Variants in ADAM11 observed in about 807,000 individuals in gnomAD.
ADAM11 encodes ADAM metallopeptidase domain 11.
Under a neutral mutation model 119.1 loss-of-function variants are expected in ADAM11, and 49 were observed. That is an observed-to-expected ratio of 0.41 (90% CI 0.33 to 0.52). ADAM11 has a LOEUF of 0.52. ADAM11 is among the 20% of genes least tolerant of loss of function. ADAM11 has a pLI of 0.20. For missense variants in ADAM11, 777 were observed against 1,047.5 expected (o/e 0.74, Z 3.56); for synonymous variants, 364 against 408.0 (o/e 0.89, Z 1.30).
Position 44,776,185 on chromosome 17 carries a change from C to T in ADAM11, c.1544C>T (p.Thr515Ile), listed in dbSNP as rs1234177916. The T allele has an allele frequency of 1.2e-6, 2 of 1,613,464 alleles. No homozygotes were observed. The highest frequency in any genetic ancestry group is 3.3e-5 in the Admixed American group (2 of 60,002). Residue 515 changes from threonine to isoleucine, a missense_variant, in exon 18 of 27, where the codon ACC becomes ATC. Physicochemically the swap from Thr to Ile is moderately conservative, Grantham distance 89 (BLOSUM62 -1). This residue lies in a region of ADAM11 where 348 missense variants were observed against 486.7 expected (regional missense o/e 0.72). Coordinates refer to ENST00000200557, the MANE Select transcript of ADAM11 (RefSeq NM_002390.6). The surrounding 1 kb of genome is among the most constrained non-coding windows in gnomAD (Gnocchi z 5.2). ...EAVNECDIAETCTGDSSQCPP... is the reference protein window; with the variant it reads ...EAVNECDIAEICTGDSSQCPP... ...GTGAACGAGTGCGACATCGCGGAGA[C>T]CTGCACCGGGGACTCTAGCCAGGTC...
At chr17:44,759,701 G>T (rs756443140) in intron 1 of ADAM11, 21 bp from the exon 2 acceptor site, 1 of 1,317,972 alleles carries the variant, frequency 7.6e-7, no homozygotes, top group South Asian at 3.0e-5. Context: ...GCTGCCTGCA[G>T]CCATGGCCTT....
intron 2 of ADAM11, among the ~76,000 whole-genome samples, chr17:44,763,372 C>G (rs1415579389): frequency 1.3e-5 from 2 of 152,222 alleles, no homozygotes; most frequent in Non-Finnish European, 2.9e-5. Context: ...AAGCAGGGCT[C>G]TCACCCAGCA....
intron 14 of ADAM11, 58 bp downstream of exon 14, chr17:44,774,807 G>C: frequency 6.4e-7 from 1 of 1,570,270 alleles, no homozygotes; most frequent in Non-Finnish European, 8.6e-7. Flanking sequence ...CTTAGAGCGA[G>C]CATTGTTTGG....
intron 11 of ADAM11, 72 bp from the exon 12 acceptor site, chr17:44,774,223 C>T: frequency 2.9e-6 from 3 of 1,043,368 alleles, no homozygotes. Flanking sequence ...AGGGGCTCCC[C>T]AAGGCCCCAC....
Position 44,779,651 on chromosome 17 carries a change from G to T in ADAM11, c.2295-88G>T. The stretch of plus-strand genomic sequence containing the variant: ...CTGTGACTTGCCGCCTGCCTCCAGG[G>T]CCCAGCACTGAGCTCCGGGGCCCTG... On this transcript the variant is annotated intron_variant, in intron 26 of 26. Transcript: ENST00000200557. 3 of 1,531,070 alleles carry T rather than the reference G, an allele frequency of 2.0e-6. No homozygotes were observed. In the South Asian group the frequency reaches 3.8e-5, roughly 20 times the overall value. The allele number at this position is 1,531,070 out of a possible 1,614,324, so 94.8% of individuals were successfully genotyped here. A position where few individuals can be genotyped will look rare whatever the true frequency, so the allele number is the denominator to read the frequency against.
intron 2 of ADAM11, among the ~76,000 whole-genome samples, chr17:44,764,768 G>A (rs762514769): frequency 1.3e-5 from 2 of 152,162 alleles, no homozygotes; most frequent in Non-Finnish European, 2.9e-5. Flanking sequence ...TCAGGCTGCT[G>A]CGAGGACTTG....
At position 44,769,605 on chromosome 17, in the gene ADAM11, G is replaced by C. The variant is rs535088911; in HGVS notation, c.238-113G>C. On this transcript the variant is annotated intron_variant, in intron 2 of 26. Transcript: ENST00000200557. ...TGCCCCCAAATCAATGGTCCCCTCA[G>C]CTGCTAGGGCTGGCCACCCCTTCCC... The C allele has an allele frequency of 4.5e-5, 33 of 732,588 alleles. No individual in the cohort carries two copies. The East Asian group carries it at 8.2e-4, about 18-fold the overall frequency. The allele number at this position is 732,588 out of a possible 1,614,324, so 45.4% of individuals were successfully genotyped here. A position where few individuals can be genotyped will look rare whatever the true frequency, so the allele number is the denominator to read the frequency against.
chr17:44,779,644 C>T, intron 26 of ADAM11, 95 bp from the exon 27 acceptor site: 11 of 1,513,416 alleles, frequency 7.3e-6, no homozygotes, highest in Non-Finnish European at 9.7e-6. Context: ...TGCCGCCTGC[C>T]TCCAGGGCCC....
At position 44,772,165 on chromosome 17, in the gene ADAM11, A is replaced by AC; in HGVS notation, c.544-98dup. The AC allele has an allele frequency of 8.7e-7, 1 of 1,145,848 alleles. No individual in the cohort carries two copies. The highest frequency in any genetic ancestry group is 1.2e-6 in the Non-Finnish European group (1 of 801,022). 71.0% of individuals were successfully genotyped at this position (1,145,848 alleles called of 1,614,324 possible). A position where few individuals can be genotyped will look rare whatever the true frequency, so the allele number is the denominator to read the frequency against. ...TGGGAGCTGTGGCCAGTTCTGGGTC[A>AC]CCCCAGGGTGGGGTGGAGGCGAGGG... On this transcript the variant is annotated intron_variant, in intron 6 of 26. Transcript: ENST00000200557. This position sits in a 1 kb window ranked among gnomAD's most constrained non-coding sequence, Gnocchi z 4.5.
At chr17:44,767,354 CAAAAAAA>C (rs72428475) in intron 2 of ADAM11, among the ~76,000 whole-genome samples, 16 of 56,918 alleles carry the variant, frequency 2.8e-4, no homozygotes, top group South Asian at 2.5e-3. Flanking sequence ...GACTCCATCT[CAAAAAAA>C]AAAAAAAAAA....
chr17:44,770,692 G>A (rs2049513030), intron 4 of ADAM11, among the ~76,000 whole-genome samples: 1 of 152,216 alleles, frequency 6.6e-6, no homozygotes, highest in East Asian at 1.9e-4. Flanking sequence ...TGTGTGTGAT[G>A]TTAGGGGCGA....
intron 2 of ADAM11, among the ~76,000 whole-genome samples, chr17:44,767,281 G>A (rs986594058): frequency 1.5e-4 from 22 of 150,648 alleles, no homozygotes; most frequent in African/African-American, 5.4e-4. Flanking sequence ...CTTGAACTCA[G>A]GAGGCAGAGG....
chr17:44,774,235 A>T, intron 11 of ADAM11, 60 bp from the exon 12 acceptor site: 1 of 1,180,640 alleles, frequency 8.5e-7, no homozygotes, highest in Non-Finnish European at 1.2e-6. Flanking sequence ...AGGCCCCACC[A>T]CCACCCGGGG....
chr17:44,769,638 A>C, intron 2 of ADAM11, 80 bp from the exon 3 acceptor site: 9 of 850,908 alleles, frequency 1.1e-5, no homozygotes, highest in African/African-American at 1.7e-5. Context: ...CCCCAGGGCT[A>C]CTGTTGCTCC....
Position 44,781,697 on chromosome 17 carries a change from TGGCAGAACCCA to T in ADAM11, c.*1946_*1956del, listed in dbSNP as rs2049695951. 1 of 152,432 alleles carries T rather than the reference TGGCAGAACCCA, an allele frequency of 6.6e-6. No individual in the cohort carries two copies. The highest frequency in any genetic ancestry group is 1.5e-5 in the Non-Finnish European group (1 of 68,202). 9.4% of individuals were successfully genotyped at this position (152,432 alleles called of 1,614,324 possible). A position where few individuals can be genotyped will look rare whatever the true frequency, so the allele number is the denominator to read the frequency against. ...GCCCCGCCCTGGCGAGTGCCTACCC[TGGCAGAACCCA>T]GGGAGGAGTGGAGGCTGCCTCTGCC... On this transcript the variant is annotated 3_prime_UTR_variant, in exon 27 of 27. Transcript: ENST00000200557.
chr17:44,766,894 C>A (rs1179768183), intron 2 of ADAM11, among the ~76,000 whole-genome samples: 2 of 152,058 alleles, frequency 1.3e-5, no homozygotes, highest in East Asian at 3.9e-4. Context: ...GCAGGGAGCA[C>A]AGTTTGGCTT....
Position 44,777,414 on chromosome 17 carries a change from CAGATT to C in ADAM11, c.1782-64_1782-60del. 6.4e-7 allele frequency: 1 copy of C among 1,567,498 alleles called. No homozygotes were observed. Among genetic ancestry groups the C allele is most frequent in the Non-Finnish European group, 8.8e-7 (1 of 1,140,518 alleles). On this transcript the variant is annotated intron_variant, in intron 21 of 26. Coordinates refer to ENST00000200557, the MANE Select transcript of ADAM11 (RefSeq NM_002390.6). This position sits in a 1 kb window ranked among gnomAD's most constrained non-coding sequence, Gnocchi z 5.1. The stretch of plus-strand genomic sequence containing the variant: ...GAGGTGGCAGGGTGCAGGGTGAGGG[CAGATT>C]AGAGTTCAGTAGTTGAGTCTGAGGT...
intron 2 of ADAM11, among the ~76,000 whole-genome samples, chr17:44,766,473 G>A (rs1389177012): frequency 1.3e-5 from 2 of 152,224 alleles, no homozygotes; most frequent in East Asian, 3.8e-4. Context: ...CTCTGAAGCA[G>A]ATGTCTAGGA....
Position 44,775,755 on chromosome 17 carries a change from G to A in ADAM11, c.1485+79G>A. The A allele has an allele frequency of 7.0e-7, 1 of 1,424,050 alleles. No individual in the cohort carries two copies. Among genetic ancestry groups the A allele is most frequent in the Non-Finnish European group, 9.4e-7 (1 of 1,059,062 alleles). 88.2% of individuals were successfully genotyped at this position (1,424,050 alleles called of 1,614,324 possible). A position where few individuals can be genotyped will look rare whatever the true frequency, so the allele number is the denominator to read the frequency against. ...GCCTTCATATAAGGGGTGGGAGCTA[G>A]GGAGGGAAGCGGAGCCTTCGGGGAC... On this transcript the variant is annotated intron_variant, in intron 17 of 26. Transcript: ENST00000200557. This position sits in a 1 kb window ranked among gnomAD's most constrained non-coding sequence, Gnocchi z 7.5.
Sources: allele counts gnomAD v4.1 joint callset (sites outside exome capture counted in the v4.1 genomes callset), GRCh38; gene constraint gnomAD v4.1.1; regional missense constraint gnomAD v4.1.1; non-coding constraint Gnocchi (gnomAD v3.1); transcripts MANE v1.5; gene names NCBI Gene and HGNC (gene_info 2026-07-23, HGNC 2026-07-21).